WWOX: variants seen among roughly 807,000 people sequenced by gnomAD.
WWOX encodes WW domain-containing oxidoreductase.
WWOX carries 69 observed loss-of-function variants against 46.2 expected under a neutral mutation model. The ratio of observed to expected loss-of-function variants is 1.49; its 90% CI spans 1.23 to 1.82. The LOEUF (loss-of-function observed/expected upper bound fraction) is 1.82. WWOX is among the 40% of genes most tolerant of loss of function. The pLI is 0.00. For synonymous variants in WWOX, 359 were observed against 202.6 expected, an observed-to-expected ratio of 1.77 and a Z score of -6.56; for missense variants, 919 against 542.6, an observed-to-expected ratio of 1.69 and a Z score of -6.89.
At chr16:78,372,301 G>T (rs1373141822) in intron 5 of WWOX, among the ~76,000 whole-genome samples, 1 of 152,148 alleles carries the variant, frequency 6.6e-6, no homozygotes, top group Non-Finnish European at 1.5e-5. Context: ...TGTCCTTCAT[G>T]CTTAGATATG....
chr16:78,621,522 C>G (rs2046181075), intron 8 of WWOX, among the ~76,000 whole-genome samples: 1 of 148,796 alleles, frequency 6.7e-6, no homozygotes, highest in South Asian at 2.2e-4. Flanking sequence ...TTGGTAGTCT[C>G]AGAACTTGGC....
intron 8 of WWOX, among the ~76,000 whole-genome samples, chr16:78,903,862 C>G (rs1335212588): frequency 6.6e-6 from 1 of 152,170 alleles, no homozygotes; most frequent in Non-Finnish European, 1.5e-5. Flanking sequence ...TCTCAGAACT[C>G]TGTGGCAGGG....
intron 8 of WWOX, among the ~76,000 whole-genome samples, chr16:78,811,309 T>C (rs575537071): frequency 6.6e-6 from 1 of 152,340 alleles, no homozygotes; most frequent in African/African-American, 2.4e-5. Flanking sequence ...ATAGGCTCTC[T>C]GGGTTGGATA....
chr16:78,187,670 G>C (rs2035753954), intron 5 of WWOX, among the ~76,000 whole-genome samples: 1 of 152,206 alleles, frequency 6.6e-6, no homozygotes, highest in African/African-American at 2.4e-5. Context: ...TACAGAAACA[G>C]TTTCACTAGA....
intron 8 of WWOX, among the ~76,000 whole-genome samples, chr16:78,448,435 AG>A (rs1354842709): frequency 3.9e-5 from 6 of 152,264 alleles, no homozygotes; most frequent in Admixed American, 3.9e-4. Flanking sequence ...CATCTGCTTT[AG>A]AGTCTCACAG....
chr16:78,761,983 G>C (rs1229561510), intron 8 of WWOX, among the ~76,000 whole-genome samples: 4 of 152,166 alleles, frequency 2.6e-5, no homozygotes, highest in Admixed American at 1.3e-4. Context: ...AAACTGTGCA[G>C]TGAGGATGAA....
chr16:79,163,910 G>C (rs1359381375), intron 8 of WWOX, among the ~76,000 whole-genome samples: 1 of 149,208 alleles, frequency 6.7e-6, no homozygotes, highest in East Asian at 2.0e-4. Context: ...AACTGATCTG[G>C]CTGTATCTGT....
At chr16:78,395,229 G>A (rs931096297) in intron 6 of WWOX, among the ~76,000 whole-genome samples, 1 of 152,168 alleles carries the variant, frequency 6.6e-6, no homozygotes, top group Non-Finnish European at 1.5e-5. Context: ...TTTCACAATC[G>A]TTTGAGAGGA....
chr16:78,506,684 C>T (rs1312136556), intron 8 of WWOX: 3 of 136,232 alleles, frequency 2.2e-5, no homozygotes, highest in Admixed American at 7.7e-5. Flanking sequence ...AAGATCTCTA[C>T]CTTTTTGTGT....
intron 4 of WWOX, among the ~76,000 whole-genome samples, chr16:78,151,557 C>A (rs1470784108): frequency 1.3e-5 from 2 of 152,168 alleles, no homozygotes; most frequent in Non-Finnish European, 2.9e-5. Context: ...ATTACAGCAT[C>A]CTTTGTATAA....
At chr16:78,734,840 CCTTTTTTTT>C (rs2049047621) in intron 8 of WWOX, among the ~76,000 whole-genome samples, 1 of 61,698 alleles carries the variant, frequency 1.6e-5, no homozygotes, top group Non-Finnish European at 3.4e-5. Flanking sequence ...GGACTTCAGT[CCTTTTTTTT>C]TTTTTTTTTT....
rs1357944240 is a variant in WWOX, at chr16:78,123,443, TTTTTTTTTTTTGTTTTTTTTTTTTG to T, written c.409+8297_409+8321del. 2.2e-3 allele frequency: 114 copies of T among 52,842 alleles called. 4 individuals are homozygous for T. Among genetic ancestry groups the T allele is most frequent in the African/African-American group, 9.5e-3 (109 of 11,448 alleles). 3.3% of individuals were successfully genotyped at this position (52,842 alleles called of 1,614,324 possible). ...TTTTTTCTTTGTTTTTTGTTTTGTTTTTTTTTTTTTTGTTTTTTTTTTTTGTTTTTTTGAGATGAAGTCTTCCTCT... is the reference window on the plus strand; with the variant it reads ...TTTTTTCTTTGTTTTTTGTTTTGTTTTTTTTTTGAGATGAAGTCTTCCTCT... On this transcript the variant is annotated intron_variant, in intron 4 of 8. Transcript: ENST00000566780.
intron 8 of WWOX, among the ~76,000 whole-genome samples, chr16:78,532,967 G>C (rs541479618): frequency 2.6e-5 from 4 of 152,208 alleles, no homozygotes; most frequent in Non-Finnish European, 5.9e-5. Context: ...GCAAGAGTAG[G>C]AGGGAACAGA....
At chr16:78,311,458 A>G (rs1024587847) in intron 5 of WWOX, among the ~76,000 whole-genome samples, 1 of 152,348 alleles carries the variant, frequency 6.6e-6, no homozygotes, top group Non-Finnish European at 1.5e-5. Flanking sequence ...CCCCAGGAGC[A>G]CTGAAGCAGA....
intron 5 of WWOX, among the ~76,000 whole-genome samples, chr16:78,243,216 G>T (rs117748160): frequency 6.0e-4 from 92 of 152,176 alleles, no homozygotes; most frequent in Non-Finnish European, 1.0e-3. Context: ...TTCTTCTATA[G>T]TACATTAAAT....
rs2081031531 is a variant in WWOX at position 78,342,333 on chromosome 16, C to T, written c.517-44527C>T. Among the ~76,000 whole-genome samples the T allele has an allele frequency of 4.1e-5, 5 of 120,488 alleles. 1 individual carries two copies. The highest frequency in any genetic ancestry group is 1.4e-4 in the African/African-American group (5 of 35,468). 79.0% of individuals were successfully genotyped at this position (120,488 alleles called of 152,430 possible). ...ATCCAGTGTGAGTTGGCTGGAAGGT[C>T]CACCCTACACAACCACTCGTGAAGG... On this transcript the variant is annotated intron_variant, in intron 5 of 8. Coordinates refer to ENST00000566780, the MANE Select transcript of WWOX (RefSeq NM_016373.4).
chr16:78,387,738 G>A (rs986076591), intron 6 of WWOX, among the ~76,000 whole-genome samples: 14 of 152,006 alleles, frequency 9.2e-5, no homozygotes, highest in Admixed American at 2.6e-4. Flanking sequence ...CTGGTTTCTC[G>A]TTGAACATAG....
At chr16:78,415,822 C>G (rs758240393) in intron 6 of WWOX, among the ~76,000 whole-genome samples, 1 of 152,144 alleles carries the variant, frequency 6.6e-6, no homozygotes, top group Non-Finnish European at 1.5e-5. Context: ...AACCCCCGCC[C>G]CCACCACTAC....
chr16:78,921,772 GC>G, intron 8 of WWOX, among the ~76,000 whole-genome samples: 1 of 152,296 alleles, frequency 6.6e-6, no homozygotes, highest in Non-Finnish European at 1.5e-5. Context: ...AAGTTAGAAG[GC>G]ATGATGCCCA....
Sources: allele counts gnomAD v4.1 joint callset (sites outside exome capture counted in the v4.1 genomes callset), GRCh38; gene constraint gnomAD v4.1.1; transcripts MANE v1.5; gene names NCBI Gene and HGNC (gene_info 2026-07-23, HGNC 2026-07-21).